The following ADARB2 variants were observed in gnomAD, a reference collection of about 807,000 sequenced individuals.
ADARB2 encodes the protein inactive double-stranded RNA-specific editase B2.
In ADARB2, 25 loss-of-function variants were observed where a neutral mutation model predicts 62.2. That is an observed-to-expected ratio of 0.40 (90% CI 0.29 to 0.56). The LOEUF (loss-of-function observed/expected upper bound fraction) is 0.56, where lower values mean the gene tolerates loss of function less well. ADARB2 is among the 20% of genes least tolerant of loss of function. ADARB2 has a pLI of 0.43. For missense variants in ADARB2, 1,071 were observed against 1,077.4 expected (o/e 0.99, Z 0.08); for synonymous variants, 572 against 500.8 (o/e 1.14, Z -1.90).
intron 1 of ADARB2, among the ~76,000 whole-genome samples, chr10:1,533,753 C>T (rs181650374): frequency 6.6e-6 from 1 of 152,290 alleles, no homozygotes; most frequent in Non-Finnish European, 1.5e-5. Flanking sequence ...ATTCCATTTC[C>T]TCCTCGGAGT....
intron 1 of ADARB2, among the ~76,000 whole-genome samples, chr10:1,597,697 A>G (rs1171975412): frequency 6.6e-6 from 1 of 152,252 alleles, no homozygotes; most frequent in Non-Finnish European, 1.5e-5. Context: ...TATAGCTTCT[A>G]TTGAAAACAG....
At chr10:1,482,748 G>A (rs1003695324) in intron 1 of ADARB2, among the ~76,000 whole-genome samples, 1 of 152,006 alleles carries the variant, frequency 6.6e-6, no homozygotes, top group Admixed American at 6.6e-5. Context: ...GTCTGCATTG[G>A]AATGCAGTGA....
intron 1 of ADARB2, among the ~76,000 whole-genome samples, chr10:1,570,789 CA>C (rs1406038299): frequency 6.6e-6 from 1 of 152,198 alleles, no homozygotes; most frequent in Non-Finnish European, 1.5e-5. Flanking sequence ...CCCACAGGGA[CA>C]GGGGGGCGCT....
At chr10:1,673,314 A>ATGTGTGTG (rs66687699) in intron 1 of ADARB2, among the ~76,000 whole-genome samples, 5,983 of 149,622 alleles carry the variant, frequency 0.04, 152 homozygotes, top group African/African-American at 0.069. Context: ...ATTTCATTTT[A>ATGTGTGTG]TGTGTGTGTG....
intron 1 of ADARB2, among the ~76,000 whole-genome samples, chr10:1,554,587 TCTC>T (rs1832674652): frequency 6.6e-6 from 1 of 151,920 alleles, no homozygotes. Context: ...TTCCCTTCAT[TCTC>T]CTGCTTTCCC....
chr10:1,560,428 G>A (rs1046975080), intron 1 of ADARB2, among the ~76,000 whole-genome samples: 8 of 151,830 alleles, frequency 5.3e-5, no homozygotes, highest in Non-Finnish European at 1.2e-4. Flanking sequence ...GGGTCATCAC[G>A]AGGCGCACCC....
chr10:1,499,252 A>T (rs1410199694), intron 1 of ADARB2, among the ~76,000 whole-genome samples: 1 of 149,044 alleles, frequency 6.7e-6, no homozygotes. Flanking sequence ...TGCATCATTC[A>T]TCATTCCTCA....
intron 3 of ADARB2, among the ~76,000 whole-genome samples, chr10:1,296,273 C>T (rs1393315768): frequency 6.6e-6 from 1 of 152,182 alleles, no homozygotes; most frequent in Non-Finnish European, 1.5e-5. Context: ...TATTTACTGA[C>T]CTGTAATCTA....
chr10:1,321,376 A>T (rs1310465805), intron 3 of ADARB2, among the ~76,000 whole-genome samples: 1 of 152,092 alleles, frequency 6.6e-6, no homozygotes, highest in Admixed American at 6.5e-5. Flanking sequence ...GAAGTATGCT[A>T]CTAACTTTTA....
chr10:1,511,854 C>T (rs1831940492), intron 1 of ADARB2, among the ~76,000 whole-genome samples: 1 of 151,636 alleles, frequency 6.6e-6, no homozygotes, highest in Non-Finnish European at 1.5e-5. Flanking sequence ...ATGCTGTCTA[C>T]ATTAGATACC....
intron 1 of ADARB2, among the ~76,000 whole-genome samples, chr10:1,595,576 A>C (rs186093256): frequency 3.9e-5 from 6 of 152,340 alleles, no homozygotes; most frequent in Admixed American, 3.9e-4. Flanking sequence ...TGTCACCATG[A>C]GGCCAGACCC....
intron 1 of ADARB2, among the ~76,000 whole-genome samples, chr10:1,487,169 T>G (rs1050513333): frequency 4.6e-5 from 7 of 152,224 alleles, no homozygotes; most frequent in Non-Finnish European, 1.0e-4. Context: ...ATAGCAAACC[T>G]GGAAAGTCAA....
chr10:1,533,547 GA>G (rs1832277124), intron 1 of ADARB2, among the ~76,000 whole-genome samples: 1 of 152,148 alleles, frequency 6.6e-6, no homozygotes, highest in African/African-American at 2.4e-5. Context: ...GCTGTTTAGG[GA>G]CTCAAGGCCA....
chr10:1,688,175 C>G (rs1333086757), intron 1 of ADARB2, among the ~76,000 whole-genome samples: 1 of 152,198 alleles, frequency 6.6e-6, no homozygotes, highest in Non-Finnish European at 1.5e-5. Flanking sequence ...CCAGTGGGGA[C>G]CTGGGGGGTT....
intron 3 of ADARB2, among the ~76,000 whole-genome samples, chr10:1,301,558 TTCTC>T (rs202169160): frequency 1.3e-5 from 1 of 78,164 alleles, no homozygotes; most frequent in Non-Finnish European, 2.8e-5. Context: ...TGCTTCTCTC[TTCTC>T]TCTCTCTCTC....
rs974671515 is a variant in ADARB2, at chr10:1,622,350, T to A, written c.100+114701A>T. ...GGAAATATCAAAAAGTTGGACTTCATCAACTTTTAAAACTTTGAGCTTCAA... is the reference window on the plus strand; with the variant it reads ...GGAAATATCAAAAAGTTGGACTTCAACAACTTTTAAAACTTTGAGCTTCAA... On this transcript the variant is annotated intron_variant, in intron 1 of 9. Coordinates refer to ENST00000381312, the MANE Select transcript of ADARB2 (RefSeq NM_018702.4). 1.4e-4 allele frequency among the ~76,000 whole-genome samples: 21 copies of A among 152,310 alleles called. No homozygotes were observed. The East Asian group carries it at 4.0e-3, about 29-fold the overall frequency.
At chr10:1,273,622 T>C (rs1432928610) in intron 3 of ADARB2, among the ~76,000 whole-genome samples, 1 of 152,184 alleles carries the variant, frequency 6.6e-6, no homozygotes. Flanking sequence ...CCTTGCACGC[T>C]GAGAGCTCTG....
At chr10:1,694,723 C>A (rs1247473295) in intron 1 of ADARB2, among the ~76,000 whole-genome samples, 1 of 152,180 alleles carries the variant, frequency 6.6e-6, no homozygotes, top group African/African-American at 2.4e-5. Context: ...AGAAATAGGA[C>A]AAGCACATTT....
chr10:1,614,671 G>A (rs1288761684), intron 1 of ADARB2, among the ~76,000 whole-genome samples: 1 of 152,202 alleles, frequency 6.6e-6, no homozygotes, highest in Non-Finnish European at 1.5e-5. Flanking sequence ...CAGCACTTTG[G>A]GAGGCCGAGG....
Sources: allele counts gnomAD v4.1 joint callset (sites outside exome capture counted in the v4.1 genomes callset), GRCh38; gene constraint gnomAD v4.1.1; transcripts MANE v1.5; gene names NCBI Gene and HGNC (gene_info 2026-07-23, HGNC 2026-07-21).